ATOSA: variants seen among roughly 807,000 people sequenced by gnomAD.
ATOSA encodes atos homolog A.
At chr15:52,639,295 TAAGGC>T in the ATOSA span, among the ~76,000 whole-genome samples, 1 of 152,198 alleles carries the variant, frequency 6.6e-6, no homozygotes, top group Non-Finnish European at 1.5e-5. Context: ...GTTAAGTGGT[TAAGGC>T]AAGCACAGTT....
chr15:52,657,587 A>G, the ATOSA span: 24 of 152,166 alleles, frequency 1.6e-4, no homozygotes, highest in Non-Finnish European at 2.9e-4. Context: ...CGGAGAGAAC[A>G]TACTCATTGA....
the ATOSA span, among the ~76,000 whole-genome samples, chr15:52,636,137 AAAT>A: frequency 6.8e-5 from 10 of 146,478 alleles, no homozygotes; most frequent in African/African-American, 2.0e-4. Context: ...ATATATATTA[AAAT>A]AATAAATGTA....
the ATOSA span, among the ~76,000 whole-genome samples, chr15:52,612,081 T>C: frequency 1.3e-5 from 2 of 151,964 alleles, no homozygotes; most frequent in African/African-American, 4.8e-5. Flanking sequence ...GCCTCCTAGG[T>C]TCAAGCGATT....
chr15:52,667,003 A>G, the ATOSA span, among the ~76,000 whole-genome samples: 6 of 152,194 alleles, frequency 3.9e-5, no homozygotes, highest in Admixed American at 3.9e-4. Flanking sequence ...GATATCAAAT[A>G]TAAAGGCCCC....
At chr15:52,697,586 G>A in the ATOSA span, among the ~76,000 whole-genome samples, 2 of 151,896 alleles carry the variant, frequency 1.3e-5, no homozygotes, top group Admixed American at 6.6e-5. Flanking sequence ...TTTTTCCCCA[G>A]TTTTCTTATA....
the ATOSA span, among the ~76,000 whole-genome samples, chr15:52,661,690 C>A: frequency 6.6e-6 from 1 of 152,066 alleles, no homozygotes. Context: ...GTAAATACCT[C>A]AATTCTGCAC....
the ATOSA span, among the ~76,000 whole-genome samples, chr15:52,674,489 T>A: frequency 1.3e-5 from 2 of 152,222 alleles, no homozygotes; most frequent in Admixed American, 6.5e-5. Context: ...TCTAGTCAGC[T>A]GTTAACATCA....
chr15:52,678,099 G>C, the ATOSA span: 3 of 1,537,282 alleles, frequency 2.0e-6, no homozygotes, highest in Admixed American at 3.3e-5. Flanking sequence ...CTGATTCTAC[G>C]GCTTCTGCTT....
At chr15:52,700,825 A>G in the ATOSA span, among the ~76,000 whole-genome samples, 1 of 152,236 alleles carries the variant, frequency 6.6e-6, no homozygotes, top group African/African-American at 2.4e-5. Context: ...ACCTCAACAT[A>G]TATTTAACAA....
At chr15:52,620,986 A>T in the ATOSA span, among the ~76,000 whole-genome samples, 1 of 152,196 alleles carries the variant, frequency 6.6e-6, no homozygotes, top group Non-Finnish European at 1.5e-5. Context: ...CATGATGCGC[A>T]ATCGAGTATT....
the ATOSA span, among the ~76,000 whole-genome samples, chr15:52,686,517 T>A: frequency 6.6e-6 from 1 of 152,190 alleles, no homozygotes; most frequent in Non-Finnish European, 1.5e-5. Context: ...CCCTAACCCC[T>A]TTTCACAAAT....
At chr15:52,642,302 G>A in the ATOSA span, among the ~76,000 whole-genome samples, 1 of 152,140 alleles carries the variant, frequency 6.6e-6, no homozygotes, top group African/African-American at 2.4e-5. Context: ...TGCTGCACTA[G>A]AAGCCAGAAG....
At chr15:52,703,980 A>C in the ATOSA span, among the ~76,000 whole-genome samples, 1 of 152,224 alleles carries the variant, frequency 6.6e-6, no homozygotes, top group Non-Finnish European at 1.5e-5. Context: ...AAGAGAAAAA[A>C]GGCAAAAAGC....
chr15:52,705,327 G>A, the ATOSA span, among the ~76,000 whole-genome samples: 3 of 151,736 alleles, frequency 2.0e-5, no homozygotes, highest in Non-Finnish European at 2.9e-5. Flanking sequence ...GACACAGGCA[G>A]GGGAACATCA....
chr15:52,702,534 A>G, the ATOSA span, among the ~76,000 whole-genome samples: 1 of 152,174 alleles, frequency 6.6e-6, no homozygotes, highest in Non-Finnish European at 1.5e-5. Context: ...ACATGTTCTC[A>G]CTTATAAGTG....
At chr15:52,707,136 T>C in the ATOSA span, among the ~76,000 whole-genome samples, 2 of 152,170 alleles carry the variant, frequency 1.3e-5, no homozygotes, top group African/African-American at 4.8e-5. Flanking sequence ...GGTGATATAA[T>C]TGGAAAGTTA....
the ATOSA span, among the ~76,000 whole-genome samples, chr15:52,605,681 C>T: frequency 1.3e-5 from 2 of 151,980 alleles, no homozygotes; most frequent in Admixed American, 1.3e-4. Context: ...CTGTAATATG[C>T]TGAATAAATT....
At chr15:52,604,828 T>C in the ATOSA span, among the ~76,000 whole-genome samples, 3 of 152,176 alleles carry the variant, frequency 2.0e-5, no homozygotes, top group Non-Finnish European at 2.9e-5. Context: ...ACCCAGTTAG[T>C]GGTATCAGTA....
chr15:52,644,653 A>G, the ATOSA span, among the ~76,000 whole-genome samples: 8 of 152,340 alleles, frequency 5.3e-5, no homozygotes, highest in Admixed American at 1.3e-4. Context: ...GATAACTATT[A>G]CTTTATTCTT....
Sources: allele counts gnomAD v4.1 joint callset (sites outside exome capture counted in the v4.1 genomes callset), GRCh38; gene constraint gnomAD v4.1.1; transcripts MANE v1.5; gene names NCBI Gene and HGNC (gene_info 2026-07-23, HGNC 2026-07-21).